Variants in CTU2 observed in about 807,000 individuals in gnomAD.
CTU2 encodes the protein cytosolic thiouridylase subunit 2.
CTU2 carries 80 observed loss-of-function variants against 64.1 expected under a neutral mutation model. The observed-to-expected ratio is 1.25, with a 90% CI of 1.04 to 1.50. The LOEUF (loss-of-function observed/expected upper bound fraction) is 1.50. Among genes scored for constraint, CTU2 ranks in the 40% most tolerant of loss-of-function variants. The pLI, the probability that CTU2 is intolerant of heterozygous loss-of-function variation, is 0.00. For missense variants in CTU2, 1,110 were observed against 690.2 expected, an observed-to-expected ratio of 1.61 and a Z score of -6.81; for synonymous variants, 482 against 285.3, an observed-to-expected ratio of 1.69 and a Z score of -6.95.
Position 88,715,063 on chromosome 16 carries a change from C to A in CTU2, c.1435C>A (p.Leu479Met), listed in dbSNP as rs1188484011. The stretch of plus-strand genomic sequence containing the variant: ...TCTGTTGCAGCCCTCACTGGACCCC[C>A]TGCCGCCGTACATCCTGGCTGAGGC... ...NMKDLPSLDP[L>M]PPYILAEAQL... Residue 479 changes from leucine to methionine, a missense_variant, in exon 14 of 15, where the codon CTG (leucine) becomes ATG (methionine). By Grantham distance (15) the Leu-to-Met change is conservative (BLOSUM62 2). Coordinates refer to ENST00000453996, the MANE Select transcript of CTU2 (RefSeq NM_001012759.3). 2 of 1,572,418 alleles carry A rather than the reference C, an allele frequency of 1.3e-6. No homozygotes were observed. The highest frequency in any genetic ancestry group is 1.2e-5 in the South Asian group (1 of 85,270).
At chr16:88,715,008 GGCA>G in intron 13 of CTU2, 37 bp from the exon 14 acceptor site, 1 of 1,591,292 alleles carries the variant, frequency 6.3e-7, no homozygotes, top group South Asian at 1.1e-5. Context: ...AGGGGGTGCT[GGCA>G]GGTTTCTTGG....
chr16:88,711,743 C>T (rs1344690359), intron 5 of CTU2, 48 bp downstream of exon 5: 3 of 1,542,356 alleles, frequency 1.9e-6, no homozygotes, highest in East Asian at 2.3e-5. Flanking sequence ...TTGGGGTAAG[C>T]CCTGCGGATC....
intron 4 of CTU2, chr16:88,711,001 C>T (rs1196918862): frequency 6.5e-6 from 1 of 154,172 alleles, no homozygotes; most frequent in East Asian, 1.9e-4. Context: ...TCTCTGCACT[C>T]TCATGAGAGG....
At chr16:88,714,083 G>A (rs1911633451) in intron 9 of CTU2, 53 bp from the exon 10 acceptor site, 2 of 1,562,026 alleles carry the variant, frequency 1.3e-6, no homozygotes, top group Non-Finnish European at 1.8e-6. Context: ...CTCTGCCCCA[G>A]CCTGGGGCTG....
chr16:88,708,902 G>C (rs758764754), intron 2 of CTU2: 1 of 152,194 alleles, frequency 6.6e-6, no homozygotes, highest in Non-Finnish European at 1.5e-5. Context: ...TAATTGGTTT[G>C]TGCAATTCTA....
rs1031057182 is a variant in CTU2 at position 88,712,264 on chromosome 16, G to A, written c.344-10G>A. The A allele has an allele frequency of 6.3e-7, 1 of 1,588,222 alleles. No individual in the cohort carries two copies. The highest frequency in any genetic ancestry group is 8.6e-7 in the Non-Finnish European group (1 of 1,166,634). On this transcript the variant is annotated splice_polypyrimidine_tract_variant and intron_variant, in intron 5 of 14. Transcript: ENST00000453996. The stretch of plus-strand genomic sequence containing the variant: ...TCTGAGCCCTGACTCTTTCTGCCTG[G>A]GTTTTTCAGAGGGAGCAGCCTGTGG...
Position 88,714,203 on chromosome 16 carries a change from C to T in CTU2, c.1073C>T (p.Pro358Leu). ...ATCCTCAGGCTGCAGACCCAGTTCC[C>T]CTCCACTGTCAGCACTGTGTACAGG... The part of the protein sequence containing the change: ...AFILRLQTQF[P>L]STVSTVYRTS... Residue 358 changes from proline (P) to leucine (L), a missense_variant, in exon 10 of 15, where the codon CCC becomes CTC. Transcript: ENST00000453996. 6.2e-7 allele frequency: 1 copy of T among 1,610,140 alleles called. No individual in the cohort carries two copies. The highest frequency in any genetic ancestry group is 1.1e-5 in the South Asian group (1 of 90,928).
At chr16:88,710,396 G>C in intron 4 of CTU2, 114 bp downstream of exon 4, 2 of 1,089,118 alleles carry the variant, frequency 1.8e-6, no homozygotes, top group Non-Finnish European at 2.7e-6. Context: ...AGTCCACCCT[G>C]CGGCCTGGAC....
Position 88,711,643 on chromosome 16 carries a change from CCAAGATTCTGCCA to C in CTU2, c.292_304del (p.Gln98LysfsTer22). ...GCTGCTTCTCCCTCTAGGGCCTGAG[CCAAGATTCTGCCA>C]AAAGACTGCGCTTTGTGGCAGGAGT... On this transcript the variant is annotated frameshift_variant, in exon 5 of 15. Transcript: ENST00000453996. LOFTEE classifies it high-confidence loss of function. The C allele has an allele frequency of 6.2e-7, 1 of 1,605,476 alleles. No homozygotes were observed. The highest frequency in any genetic ancestry group is 8.5e-7 in the Non-Finnish European group (1 of 1,174,534).
intron 8 of CTU2, 45 bp downstream of exon 8, chr16:88,713,492 C>T (rs758348583): frequency 1.3e-5 from 20 of 1,553,562 alleles, no homozygotes; most frequent in South Asian, 4.8e-5. Flanking sequence ...CTCACCTTCA[C>T]CCCTTCGGCC....
chr16:88,713,427 G>A lies in CTU2; in HGVS notation c.853G>A (p.Ala285Thr), dbSNP rs1010769738. Reference sequence around the variant, plus strand: ...GACCAACCTGGCGCTGGGTCGAGGGGCCTTCCTGGCCTGGGATACGGTAGG... The same window carrying A: ...GACCAACCTGGCGCTGGGTCGAGGGACCTTCCTGGCCTGGGATACGGTAGG... ...LMTNLALGRG[A>T]FLAWDTGFSD... Residue 285 changes from alanine (A) to threonine (T), a missense_variant, in exon 8 of 15, where the codon GCC (alanine) becomes ACC (threonine). Coordinates refer to ENST00000453996, the MANE Select transcript of CTU2 (RefSeq NM_001012759.3). The A allele has an allele frequency of 1.3e-6, 2 of 1,585,876 alleles. No individual in the cohort carries two copies. Among genetic ancestry groups the A allele is most frequent in the Non-Finnish European group, 1.7e-6 (2 of 1,171,430 alleles).
At chr16:88,711,241 C>T (rs1046641549) in intron 4 of CTU2, among the ~76,000 whole-genome samples, 2 of 152,142 alleles carry the variant, frequency 1.3e-5, no homozygotes, top group Non-Finnish European at 2.9e-5. Flanking sequence ...CCCAGCGGCG[C>T]CCCTGCCTCT....
rs1297366303 is a variant in CTU2, at chr16:88,713,356, A to G, written c.782A>G (p.Lys261Arg). ...ATGGCCCGAGCCCACGGCTACTCCA[A>G]GGTCATGACTGGGGACAGCTGCACA... ...LHMARAHGYS[K>R]VMTGDSCTRL... The change falls in exon 8 of 15, where the codon AAG (lysine) becomes AGG (arginine). Residue 261 changes from lysine (K) to arginine (R), a missense_variant. Lys to Arg is a conservative substitution (Grantham distance 26). Coordinates refer to ENST00000453996, the MANE Select transcript of CTU2 (RefSeq NM_001012759.3). 1.3e-6 allele frequency: 2 copies of G among 1,599,528 alleles called. No individual in the cohort carries two copies. Among genetic ancestry groups the G allele is most frequent in the East Asian group, 2.3e-5 (1 of 42,668 alleles).
At chr16:88,707,272 G>A (rs997368271) in intron 2 of CTU2, 62 bp downstream of exon 2, 28 of 1,419,822 alleles carry the variant, frequency 2.0e-5, no homozygotes, top group East Asian at 9.2e-5. Flanking sequence ...CAGGATAGCC[G>A]CAACTTGTGA....
chr16:88,714,540 T>A (rs1490761715), intron 11 of CTU2, 47 bp from the exon 12 acceptor site: 1 of 1,612,466 alleles, frequency 6.2e-7, no homozygotes, highest in Non-Finnish European at 8.5e-7. Context: ...GGAGTGGGTG[T>A]GGGGGCTCAG....
chr16:88,709,563 T>G (rs1597424386), intron 2 of CTU2: 1 of 199,256 alleles, frequency 5.0e-6, no homozygotes, highest in Non-Finnish European at 1.0e-5. Context: ...ATGTGGTGGG[T>G]CTTTTTTTAT....
Position 88,714,457 on chromosome 16 carries a change from G to C in CTU2, c.1172G>C (p.Cys391Ser), listed in dbSNP as rs1911707124. The C allele has an allele frequency of 6.8e-6, 11 of 1,612,486 alleles. No homozygotes were observed. Among genetic ancestry groups the C allele is most frequent in the South Asian group, 1.1e-5 (1 of 91,082 alleles). The part of the protein sequence containing the change: ...AGDSGPRCLL[C>S]MCALDVDAAD... The stretch of plus-strand genomic sequence containing the variant: ...GACTCCGGCCCCCGCTGCCTCCTCT[G>C]CATGTGTGCCCTGGACGTCGACGCC... Residue 391 changes from cysteine (C) to serine (S), a missense_variant, in exon 11 of 15, where the codon TGC becomes TCC. Physicochemically the swap from Cys to Ser is moderately radical, Grantham distance 112 (BLOSUM62 -1). Transcript: ENST00000453996.
rs745882276 is a variant in CTU2, at chr16:88,714,135, G to A, written c.1006-1G>A. Reference sequence around the variant, plus strand: ...ATAGCCTCCAATCTGATTGTCCCTAGGCCCCTGAAAAGGCCAGCATCCACC... The same window carrying A: ...ATAGCCTCCAATCTGATTGTCCCTAAGCCCCTGAAAAGGCCAGCATCCACC... On this transcript the variant is annotated splice_acceptor_variant, in intron 9 of 14. Transcript: ENST00000453996. LOFTEE classifies it high-confidence loss of function. 8 of 1,612,450 alleles carry A rather than the reference G, an allele frequency of 5.0e-6. No individual in the cohort carries two copies. In the East Asian group the frequency reaches 1.6e-4, roughly 31 times the overall value.
chr16:88,709,685 A>T, intron 2 of CTU2: 1 of 516,536 alleles, frequency 1.9e-6, no homozygotes, highest in Non-Finnish European at 3.5e-6. Context: ...CGTTTGCTGG[A>T]TGCAGCCTCC....
Sources: allele counts gnomAD v4.1 joint callset (sites outside exome capture counted in the v4.1 genomes callset), GRCh38; gene constraint gnomAD v4.1.1; transcripts MANE v1.5; gene names NCBI Gene and HGNC (gene_info 2026-07-23, HGNC 2026-07-21).